The following DLG2 variants were observed in gnomAD, a reference collection of about 807,000 sequenced individuals.
DLG2 encodes the protein discs large MAGUK scaffold protein 2.
A neutral mutation model predicts 132.5 loss-of-function variants in DLG2; 45 were observed. The ratio of observed to expected loss-of-function variants is 0.34; its 90% confidence interval spans 0.27 to 0.44. The LOEUF is 0.44. Among genes scored for constraint, DLG2 ranks in the 20% least tolerant of loss-of-function variants. The probability of loss-of-function intolerance (pLI) is 1.00; values close to 1 mark genes in which losing one functional copy is unlikely to be tolerated. For missense variants in DLG2, 1,045 were observed against 1,196.9 expected (o/e 0.87, Z 1.87); for synonymous variants, 424 against 419.6 (o/e 1.01, Z -0.13).
intron 6 of DLG2, among the ~76,000 whole-genome samples, chr11:85,071,455 GATA>G (rs2065853339): frequency 6.6e-6 from 1 of 151,798 alleles, no homozygotes; most frequent in African/African-American, 2.4e-5. Context: ...CTACTTTATA[GATA>G]ATAACATAAG....
intron 7 of DLG2, among the ~76,000 whole-genome samples, chr11:84,437,120 CTT>C (rs1760836442): frequency 6.6e-6 from 1 of 152,198 alleles, no homozygotes; most frequent in African/African-American, 2.4e-5. Flanking sequence ...TTAAAGGAAT[CTT>C]AAGTCTCTGT....
intron 6 of DLG2, among the ~76,000 whole-genome samples, chr11:84,736,940 A>AG (rs2063913444): frequency 6.6e-6 from 1 of 152,046 alleles, no homozygotes; most frequent in Admixed American, 6.6e-5. Flanking sequence ...CCTGATCTTA[A>AG]GGGGAAAACA....
rs187005371 is a variant in DLG2, at chr11:85,006,640, C to T, written c.357+105021G>A. ...TTTTCTTCTTTATTAGTCTGGCTAG[C>T]GGTCTATCTATTATGTTGATCTTTT... is the stretch of plus-strand genomic sequence containing the variant. On this transcript the variant is annotated intron_variant, in intron 6 of 27. Transcript: ENST00000376104. Among the ~76,000 whole-genome samples, 1,082 of 151,958 alleles carry T rather than the reference C, an allele frequency of 7.1e-3. 13 individuals are homozygous for T. Among genetic ancestry groups the T allele is most frequent in the African/African-American group, 0.025 (1,048 of 41,456 alleles).
chr11:85,535,503 T>C (rs1022689883), intron 3 of DLG2, among the ~76,000 whole-genome samples: 4 of 152,200 alleles, frequency 2.6e-5, no homozygotes, highest in African/African-American at 9.7e-5. Flanking sequence ...AGTTTAAATG[T>C]GGAGAAGGTA....
intron 3 of DLG2, among the ~76,000 whole-genome samples, chr11:85,526,657 A>G (rs555201793): frequency 6.8e-4 from 103 of 152,328 alleles, no homozygotes; most frequent in African/African-American, 2.2e-3. Context: ...TTACTGTGCT[A>G]AGGGAAACTC....
At chr11:84,731,080 T>C (rs750837568) in intron 6 of DLG2, among the ~76,000 whole-genome samples, 8 of 152,042 alleles carry the variant, frequency 5.3e-5, no homozygotes, top group Non-Finnish European at 1.2e-4. Context: ...GTACAGTGTG[T>C]GAGTTAGTTG....
intron 11 of DLG2, among the ~76,000 whole-genome samples, chr11:83,993,971 C>T (rs759861485): frequency 2.2e-4 from 33 of 152,106 alleles, no homozygotes; most frequent in Non-Finnish European, 4.3e-4. Flanking sequence ...AAGGGTAACT[C>T]GGTGGATCTT....
chr11:83,688,318 G>C (rs772808615), intron 18 of DLG2, among the ~76,000 whole-genome samples: 4 of 152,042 alleles, frequency 2.6e-5, no homozygotes, highest in Non-Finnish European at 5.9e-5. Flanking sequence ...TTTCTTTCGG[G>C]TTCAGGATTT....
At chr11:84,403,372 G>T (rs907258890) in intron 7 of DLG2, among the ~76,000 whole-genome samples, 4 of 151,970 alleles carry the variant, frequency 2.6e-5, no homozygotes, top group African/African-American at 9.7e-5. Flanking sequence ...GTCTTTAAAC[G>T]GTCCCCAGTT....
intron 7 of DLG2, among the ~76,000 whole-genome samples, chr11:84,451,409 T>A (rs754346347): frequency 1.2e-4 from 18 of 151,926 alleles, no homozygotes; most frequent in Non-Finnish European, 2.5e-4. Flanking sequence ...TTGTCAATTA[T>A]TTTATTTTTT....
intron 21 of DLG2, among the ~76,000 whole-genome samples, chr11:83,496,999 CT>C (rs2094179952): frequency 6.6e-6 from 1 of 152,182 alleles, no homozygotes; most frequent in Non-Finnish European, 1.5e-5. Flanking sequence ...GTGAATGCCA[CT>C]TATTTTTATA....
chr11:84,313,653 G>GAAAGAAAGAAAGAAAGAAAGAAAC (rs1353320741), intron 7 of DLG2, among the ~76,000 whole-genome samples: 1 of 147,148 alleles, frequency 6.8e-6, no homozygotes, highest in Non-Finnish European at 1.5e-5. Flanking sequence ...AAGAAAGAAA[G>GAAAGAAAGAAAGAAAGAAAGAAAC]AAAGAAAGAA....
chr11:85,433,307 C>T (rs1597311530), intron 3 of DLG2, among the ~76,000 whole-genome samples: 1 of 152,190 alleles, frequency 6.6e-6, no homozygotes. Flanking sequence ...ATCAAATTCA[C>T]ATATAACAAC....
chr11:84,976,910 G>GT (rs759207770), intron 6 of DLG2, among the ~76,000 whole-genome samples: 20 of 152,202 alleles, frequency 1.3e-4, no homozygotes, highest in Non-Finnish European at 2.5e-4. Flanking sequence ...CATATCTCCT[G>GT]TTTTACATTC....
At chr11:84,542,251 A>T (rs747041981) in intron 6 of DLG2, among the ~76,000 whole-genome samples, 21 of 152,128 alleles carry the variant, frequency 1.4e-4, no homozygotes, top group Non-Finnish European at 2.6e-4. Context: ...AATAGTGAAT[A>T]CTATCCATGA....
At chr11:85,146,309 A>T (rs1433563356) in intron 5 of DLG2, among the ~76,000 whole-genome samples, 1 of 148,784 alleles carries the variant, frequency 6.7e-6, no homozygotes, top group Non-Finnish European at 1.5e-5. Flanking sequence ...AGCACTCCCA[A>T]AGCTATCACA....
intron 19 of DLG2, among the ~76,000 whole-genome samples, chr11:83,563,519 T>A (rs2096650372): frequency 6.6e-6 from 1 of 152,126 alleles, no homozygotes; most frequent in African/African-American, 2.4e-5. Context: ...CAGAAGTAAA[T>A]TCGAAAACAC....
intron 3 of DLG2, among the ~76,000 whole-genome samples, chr11:85,365,136 T>TA (rs1028328767): frequency 6.6e-6 from 1 of 151,982 alleles, no homozygotes; most frequent in African/African-American, 2.4e-5. Context: ...AAATCTAACT[T>TA]AAAAAAAATC....
chr11:85,021,012 A>C (rs2060018206), intron 6 of DLG2: 1 of 773,922 alleles, frequency 1.3e-6, no homozygotes, highest in Admixed American at 1.7e-5. Context: ...ATTCATATCT[A>C]CTGCTTGTTT....
Sources: gnomAD v4.1 joint callset for allele counts (sites outside exome capture counted in the v4.1 genomes callset) on GRCh38, gnomAD v4.1.1 for gene constraint, MANE v1.5 for transcripts, NCBI Gene and HGNC (gene_info 2026-07-23, HGNC 2026-07-21) for gene names.